ZEB1: variants seen among roughly 807,000 people sequenced by gnomAD.
ZEB1 encodes zinc finger E-box-binding homeobox 1.
ZEB1 carries 21 observed loss-of-function variants against 84.9 expected under a neutral mutation model. The ratio of observed to expected loss-of-function variants is 0.25; its 90% CI spans 0.18 to 0.36. The LOEUF is 0.36. ZEB1 is among the 10% of genes least tolerant of loss of function. The pLI is 1.00. For synonymous variants in ZEB1, 420 were observed against 471.1 expected (o/e 0.89, Z 1.41); for missense variants, 1,104 against 1,330.2 (o/e 0.83, Z 2.65).
In ZEB1 at chr10:31,409,153, G is replaced by C. The variant is rs370262758; in HGVS notation, c.59-51884G>C. Among the ~76,000 whole-genome samples the C allele has an allele frequency of 2.8e-3, 433 of 152,190 alleles. 13 individuals are homozygous for C. In the East Asian group the frequency reaches 0.065, roughly 23 times the overall value. ...AACAAACACATGAAAAAATGCTCATGATCACTGGCCATCAGAGAAATGCAA... is the reference window on the plus strand; with the variant it reads ...AACAAACACATGAAAAAATGCTCATCATCACTGGCCATCAGAGAAATGCAA... On this transcript the variant is annotated intron_variant, in intron 1 of 8. Coordinates refer to ENST00000424869, the MANE Select transcript of ZEB1 (RefSeq NM_001174096.2).
intron 1 of ZEB1, among the ~76,000 whole-genome samples, chr10:31,457,442 C>G (rs1335542326): frequency 6.6e-6 from 1 of 151,948 alleles, no homozygotes; most frequent in Non-Finnish European, 1.5e-5. Context: ...GTGACAGAAG[C>G]AAAAGACAGT....
chr10:31,364,851 C>A (rs1420532137), intron 1 of ZEB1, among the ~76,000 whole-genome samples: 1 of 152,184 alleles, frequency 6.6e-6, no homozygotes, highest in Non-Finnish European at 1.5e-5. Flanking sequence ...TCCTGGGGTA[C>A]TTAGCACCGT....
In ZEB1 at chr10:31,520,061, T is replaced by C; in HGVS notation, c.794-65T>C. Reference sequence around the variant, plus strand: ...ATTGATACCGCTTGTTTTAGGGAAATGAGGATACATAAAAATTTATATGTA... The same window carrying C: ...ATTGATACCGCTTGTTTTAGGGAAACGAGGATACATAAAAATTTATATGTA... On this transcript the variant is annotated intron_variant, in intron 6 of 8. Coordinates refer to ENST00000424869, the MANE Select transcript of ZEB1 (RefSeq NM_001174096.2). The surrounding 1 kb of genome is among the most constrained non-coding windows in gnomAD (Gnocchi z 5.1). 1 of 1,571,312 alleles carries C rather than the reference T, an allele frequency of 6.4e-7. No individual in the cohort carries two copies.
At chr10:31,381,590 A>AG (rs1269604204) in intron 1 of ZEB1, 1 of 152,182 alleles carries the variant, frequency 6.6e-6, no homozygotes, top group African/African-American at 2.4e-5. Context: ...TTCTGTAATG[A>AG]GAAGTCTCGT....
intron 2 of ZEB1, among the ~76,000 whole-genome samples, chr10:31,469,906 C>A (rs575201592): frequency 1.2e-4 from 19 of 152,362 alleles, no homozygotes; most frequent in Non-Finnish European, 2.4e-4. Context: ...TCCCTGACCC[C>A]TAACCCCCGA....
At chr10:31,337,166 G>A (rs1182690767) in intron 1 of ZEB1, among the ~76,000 whole-genome samples, 1 of 152,074 alleles carries the variant, frequency 6.6e-6, no homozygotes, top group African/African-American at 2.4e-5. Flanking sequence ...GGAAAATAAT[G>A]TTCGAACAAA....
At position 31,510,886 on chromosome 10, in the gene ZEB1, T is replaced by C; in HGVS notation, c.687+11T>C. On this transcript the variant is annotated intron_variant, in intron 5 of 8. Coordinates refer to ENST00000424869, the MANE Select transcript of ZEB1 (RefSeq NM_001174096.2). ...TCAGGAAGAGATCAAGTAAGTGCAA[T>C]GACTGAGAGTTCACTAACTTTCCAG... The C allele has an allele frequency of 1.9e-6, 3 of 1,613,058 alleles. No individual in the cohort carries two copies. Among genetic ancestry groups the C allele is most frequent in the South Asian group, 1.1e-5 (1 of 91,012 alleles).
chr10:31,493,090 C>T (rs1010182032), intron 2 of ZEB1, among the ~76,000 whole-genome samples: 3 of 151,896 alleles, frequency 2.0e-5, no homozygotes, highest in African/African-American at 4.8e-5. Flanking sequence ...AACAGGCTCT[C>T]GTTTCCCATT....
chr10:31,411,084 G>A (rs1175330725), intron 1 of ZEB1, among the ~76,000 whole-genome samples: 1 of 152,022 alleles, frequency 6.6e-6, no homozygotes, highest in Non-Finnish European at 1.5e-5. Flanking sequence ...TAATTGTGAT[G>A]CACTTATTCT....
intron 2 of ZEB1, among the ~76,000 whole-genome samples, chr10:31,489,161 A>G (rs1204636947): frequency 6.6e-6 from 1 of 151,304 alleles, no homozygotes; most frequent in African/African-American, 2.4e-5. Flanking sequence ...AAAGGCATAC[A>G]CATTTAAGAT....
At chr10:31,502,609 G>A in intron 4 of ZEB1, 100 bp downstream of exon 4, 1 of 1,491,912 alleles carries the variant, frequency 6.7e-7, no homozygotes, top group East Asian at 2.3e-5. Flanking sequence ...GAACATTCTT[G>A]AAGACCAAAC....
intron 1 of ZEB1, among the ~76,000 whole-genome samples, chr10:31,407,695 A>C (rs1296286951): frequency 4.6e-5 from 7 of 151,976 alleles, no homozygotes; most frequent in Non-Finnish European, 7.4e-5. Flanking sequence ...ATTCAACAAC[A>C]CTTCATGCTA....
chr10:31,359,384 G>T (rs1241197309), intron 1 of ZEB1, among the ~76,000 whole-genome samples: 1 of 151,880 alleles, frequency 6.6e-6, no homozygotes, highest in Non-Finnish European at 1.5e-5. Flanking sequence ...GAAAGAGAGG[G>T]AAAGAAGAAA....
In ZEB1 at chr10:31,363,166, A is replaced by G. The variant is rs1564594896; in HGVS notation, c.58+43874A>G. ...ATCCTTGGGCTGCATGTCCTCCCCCACCATCAGCAAGCCTGGAGAGCTGGG... is the reference window on the plus strand; with the variant it reads ...ATCCTTGGGCTGCATGTCCTCCCCCGCCATCAGCAAGCCTGGAGAGCTGGG... On this transcript the variant is annotated intron_variant, in intron 1 of 8. Coordinates refer to ENST00000424869, the MANE Select transcript of ZEB1 (RefSeq NM_001174096.2). 5.2e-6 allele frequency: 8 copies of G among 1,533,894 alleles called. No homozygotes were observed. In the South Asian group the frequency reaches 9.5e-5, roughly 18 times the overall value.
rs1398123792 is a variant in ZEB1 at position 31,521,527 on chromosome 10, A to G, written c.2195A>G (p.Gln732Arg). The G allele has an allele frequency of 6.2e-7, 1 of 1,614,112 alleles. No homozygotes were observed. Among genetic ancestry groups the G allele is most frequent in the Admixed American group, 1.7e-5 (1 of 60,014 alleles). Residue 732 changes from glutamine to arginine, a missense_variant, in exon 7 of 9, where the codon CAA (glutamine) becomes CGA (arginine). Gln to Arg is a conservative substitution (Grantham distance 43). Transcript: ENST00000424869. ...GCTGAGGGTGCACAAGAAGAGCCACAAGTAGAACCTCTTGATCTTTCACTA... is the reference window on the plus strand; with the variant it reads ...GCTGAGGGTGCACAAGAAGAGCCACGAGTAGAACCTCTTGATCTTTCACTA... ...YTAEGAQEEP[Q>R]VEPLDLSLPK...
chr10:31,439,273 AATT>A (rs1192682929), intron 1 of ZEB1, among the ~76,000 whole-genome samples: 2 of 152,180 alleles, frequency 1.3e-5, no homozygotes, highest in African/African-American at 4.8e-5. Context: ...GTTTTTTTGT[AATT>A]AAAAACAAGT....
At chr10:31,363,824 TA>T (rs746280121) in intron 1 of ZEB1, 78 of 1,332,508 alleles carry the variant, frequency 5.9e-5, no homozygotes, top group Non-Finnish European at 6.7e-5. Context: ...CACAGCCTCA[TA>T]GGGGCGCCGT....
chr10:31,464,574 C>CAT (rs2062170500), intron 2 of ZEB1, among the ~76,000 whole-genome samples: 1 of 152,004 alleles, frequency 6.6e-6, no homozygotes, highest in Non-Finnish European at 1.5e-5. Flanking sequence ...ATAGATTGAA[C>CAT]ATAAAAAGAT....
chr10:31,492,488 T>C (rs2066672801), intron 2 of ZEB1, among the ~76,000 whole-genome samples: 1 of 151,792 alleles, frequency 6.6e-6, no homozygotes, highest in Non-Finnish European at 1.5e-5. Flanking sequence ...ATAACGGGGT[T>C]TATCAATATT....
Sources: gnomAD v4.1 joint callset for allele counts (sites outside exome capture counted in the v4.1 genomes callset) on GRCh38, gnomAD v4.1.1 for gene constraint, Gnocchi (gnomAD v3.1) non-coding constraint, MANE v1.5 for transcripts, NCBI Gene and HGNC (gene_info 2026-07-23, HGNC 2026-07-21) for gene names.